Variants in SSUH2 observed in about 807,000 individuals in gnomAD.
SSUH2 encodes the protein ssu-2 homolog.
Under a neutral mutation model 55.3 loss-of-function variants are expected in SSUH2, and 47 were observed. That is an observed-to-expected ratio of 0.85 (90% CI 0.67 to 1.08). The LOEUF (loss-of-function observed/expected upper bound fraction) is 1.08. Ranked by LOEUF, SSUH2 falls within the 50% of genes least tolerant of loss-of-function variation. The pLI is 0.00. For missense variants in SSUH2, 535 were observed against 490.7 expected (o/e 1.09, Z -0.85); for synonymous variants, 212 against 191.5 (o/e 1.11, Z -0.89).
intron 7 of SSUH2, among the ~76,000 whole-genome samples, chr3:8,652,472 C>T (rs1314995032): frequency 6.6e-6 from 1 of 152,158 alleles, no homozygotes; most frequent in Non-Finnish European, 1.5e-5. Flanking sequence ...GTCTTCTATT[C>T]CTGCTGCTCA....
intron 10 of SSUH2, among the ~76,000 whole-genome samples, chr3:8,624,223 G>C (rs575308501): frequency 6.6e-6 from 1 of 152,292 alleles, no homozygotes; most frequent in African/African-American, 2.4e-5. Context: ...GGGGCTCCCT[G>C]TTCTGCCCCT....
intron 1 of SSUH2, among the ~76,000 whole-genome samples, chr3:8,637,373 G>A (rs926617969): frequency 2.0e-5 from 3 of 152,214 alleles, no homozygotes; most frequent in African/African-American, 7.2e-5. Context: ...GCCCTGAGAT[G>A]CCAAGGAGGA....
At chr3:8,671,331 G>C (rs73017946) in intron 4 of SSUH2, among the ~76,000 whole-genome samples, 17,183 of 152,078 alleles carry the variant, frequency 0.11, 1,270 homozygotes, top group South Asian at 0.15. Context: ...GACATTAAGA[G>C]TCACATTTCC....
chr3:8,623,868 C>G (rs528063843), intron 10 of SSUH2, among the ~76,000 whole-genome samples: 3 of 152,330 alleles, frequency 2.0e-5, no homozygotes, highest in Non-Finnish European at 4.4e-5. Context: ...CTGGATACCC[C>G]AGCTGCGTGC....
intron 8 of SSUH2, 79 bp downstream of exon 8, chr3:8,627,619 G>A (rs1575077400): frequency 8.0e-7 from 1 of 1,253,248 alleles, no homozygotes; most frequent in East Asian, 2.6e-5. Context: ...ATGGGTTCCT[G>A]TTTGCCTTCC....
chr3:8,647,887 A>G (rs908455502), upstream of SSUH2, among the ~76,000 whole-genome samples: 1 of 152,234 alleles, frequency 6.6e-6, no homozygotes, highest in Non-Finnish European at 1.5e-5. Flanking sequence ...AGTGGTGCCC[A>G]TGGCAGGAAT....
chr3:8,674,763 G>T (rs775175289), intron 3 of SSUH2, among the ~76,000 whole-genome samples: 2 of 152,132 alleles, frequency 1.3e-5, no homozygotes, highest in African/African-American at 4.8e-5. Flanking sequence ...ACCCAGAACA[G>T]GAGTCATTAT....
At chr3:8,662,213 C>T (rs934336562) in intron 6 of SSUH2, among the ~76,000 whole-genome samples, 8 of 152,200 alleles carry the variant, frequency 5.3e-5, no homozygotes, top group African/African-American at 1.7e-4. Flanking sequence ...GAACAAAAGG[C>T]AGACAGTGCC....
intron 7 of SSUH2, among the ~76,000 whole-genome samples, chr3:8,651,415 A>T (rs1322182090): frequency 6.6e-6 from 1 of 152,134 alleles, no homozygotes; most frequent in Non-Finnish European, 1.5e-5. Context: ...GGCCAAGAGA[A>T]AGGAAAGGAC....
At chr3:8,621,741 G>A (rs7610977) in intron 11 of SSUH2, among the ~76,000 whole-genome samples, 54,167 of 152,010 alleles carry the variant, frequency 0.36, 10,332 homozygotes, top group Middle Eastern at 0.55. Context: ...TGACAATTTC[G>A]GAAATAAAAG....
chr3:8,679,073 GCGGGGAC>G (rs1705723357), intron 2 of SSUH2, among the ~76,000 whole-genome samples: 1 of 109,420 alleles, frequency 9.1e-6, no homozygotes, highest in African/African-American at 3.1e-5. Context: ...CCCCCGCGAG[GCGGGGAC>G]TGAGAGCAAG....
At chr3:8,673,211 T>C (rs1704809239) in intron 3 of SSUH2, among the ~76,000 whole-genome samples, 1 of 152,172 alleles carries the variant, frequency 6.6e-6, no homozygotes, top group Non-Finnish European at 1.5e-5. Flanking sequence ...TTTATTGTTA[T>C]CGTTAGTATA....
intron 7 of SSUH2, among the ~76,000 whole-genome samples, chr3:8,656,512 GACGGAGCA>G (rs1702945825): frequency 6.6e-6 from 1 of 152,198 alleles, no homozygotes; most frequent in Admixed American, 6.5e-5. Context: ...GTGACCCAGG[GACGGAGCA>G]ACAGCCATTC....
At chr3:8,654,827 C>T (rs993686049) in intron 7 of SSUH2, among the ~76,000 whole-genome samples, 18 of 151,726 alleles carry the variant, frequency 1.2e-4, no homozygotes, top group African/African-American at 4.4e-4. Flanking sequence ...GTGGCCTCTT[C>T]CCCCAAATCT....
At position 8,632,031 on chromosome 3, in the gene SSUH2, T is replaced by A; in HGVS notation, c.400+18A>T. 3.1e-6 allele frequency: 5 copies of A among 1,609,620 alleles called. No individual in the cohort carries two copies. Among genetic ancestry groups the A allele is most frequent in the Non-Finnish European group, 4.3e-6 (5 of 1,176,062 alleles). ...CTTATTTGCCCCCAGTTAAACTAAT[T>A]TCAGACAATTCACTTACTAGTAAAG... On this transcript the variant is annotated intron_variant, in intron 5 of 11. Transcript: ENST00000544814.
At chr3:8,620,142 G>C (rs990590236) in intron 11 of SSUH2, 128 bp from the exon 12 acceptor site, 4 of 1,020,060 alleles carry the variant, frequency 3.9e-6, no homozygotes, top group Admixed American at 2.8e-5. Flanking sequence ...CATTCAATAT[G>C]GTTTGGCTCT....
intron 5 of SSUH2, among the ~76,000 whole-genome samples, chr3:8,669,188 TA>T (rs1290674375): frequency 1.3e-5 from 2 of 152,158 alleles, no homozygotes; most frequent in Non-Finnish European, 2.9e-5. Flanking sequence ...TTTTAAACTA[TA>T]AAAGGAATAC....
At chr3:8,675,640 G>A (rs1705160036) in intron 3 of SSUH2, among the ~76,000 whole-genome samples, 1 of 152,210 alleles carries the variant, frequency 6.6e-6, no homozygotes, top group Non-Finnish European at 1.5e-5. Context: ...TCTAAGAGCA[G>A]AAGTCAGGCG....
At chr3:8,639,878 C>T (rs1553583536) in intron 1 of SSUH2, 1 of 833,388 alleles carries the variant, frequency 1.2e-6, no homozygotes, top group East Asian at 1.2e-4. Context: ...AAAGGAATGG[C>T]ATTCAACACT....
Sources: gnomAD v4.1 joint callset for allele counts (sites outside exome capture counted in the v4.1 genomes callset) on GRCh38, gnomAD v4.1.1 for gene constraint, MANE v1.5 for transcripts, NCBI Gene and HGNC (gene_info 2026-07-23, HGNC 2026-07-21) for gene names.